SLC25A21: variants seen among roughly 807,000 people sequenced by gnomAD.
SLC25A21 encodes solute carrier family 25 member 21.
Under a neutral mutation model 43.8 loss-of-function variants are expected in SLC25A21, and 47 were observed. The ratio of observed to expected loss-of-function variants is 1.07; its 90% CI spans 0.85 to 1.37. SLC25A21 has a LOEUF of 1.37. SLC25A21 is among the 40% of genes most tolerant of loss of function. The pLI is 0.00. For synonymous variants in SLC25A21, 131 were observed against 121.3 expected, an observed-to-expected ratio of 1.08 and a Z score of -0.52; for missense variants, 352 against 350.2, an observed-to-expected ratio of 1.00 and a Z score of -0.04.
At chr14:36,985,364 TA>T (rs1256408702) in intron 1 of SLC25A21, among the ~76,000 whole-genome samples, 3 of 151,458 alleles carry the variant, frequency 2.0e-5, no homozygotes, top group Non-Finnish European at 2.9e-5. Context: ...AAGTATAATT[TA>T]AAAAAAATGT....
At chr14:36,748,683 G>A (rs1055711833) in intron 3 of SLC25A21, among the ~76,000 whole-genome samples, 1 of 152,188 alleles carries the variant, frequency 6.6e-6, no homozygotes, top group African/African-American at 2.4e-5. Flanking sequence ...GGCTTAGTTT[G>A]TGGACTTTGT....
intron 2 of SLC25A21, among the ~76,000 whole-genome samples, chr14:36,865,795 AATAG>A (rs1890197071): frequency 6.6e-6 from 1 of 152,184 alleles, no homozygotes; most frequent in Non-Finnish European, 1.5e-5. Flanking sequence ...GGGAGCCACC[AATAG>A]AGAGTGTAAA....
At chr14:36,843,839 T>C (rs1167518301) in intron 2 of SLC25A21, among the ~76,000 whole-genome samples, 1 of 152,230 alleles carries the variant, frequency 6.6e-6, no homozygotes, top group Non-Finnish European at 1.5e-5. Flanking sequence ...TGTAGTTTGT[T>C]TTTTGCATCC....
chr14:37,123,633 CAG>C lies in SLC25A21; in HGVS notation c.70+48646_70+48647del, dbSNP rs756852336. 2.6e-5 allele frequency among the ~76,000 whole-genome samples: 4 copies of C among 152,128 alleles called. 1 individual carries two copies. The highest frequency in any genetic ancestry group is 9.6e-5 in the African/African-American group (4 of 41,500). On this transcript the variant is annotated intron_variant, in intron 1 of 9. Coordinates refer to ENST00000331299, the MANE Select transcript of SLC25A21 (RefSeq NM_030631.4). ...TATTTATGCTCAAAATATAAAATGA[CAG>C]AAATATTCTTAGAATATAATATAAA...
intron 7 of SLC25A21, among the ~76,000 whole-genome samples, chr14:36,697,269 G>T (rs1883069693): frequency 6.6e-6 from 1 of 152,200 alleles, no homozygotes; most frequent in South Asian, 2.1e-4. Context: ...ACTGTGGTCT[G>T]AGAGACAGTT....
In SLC25A21 at chr14:36,734,525, G is replaced by A. The variant is rs1256599604; in HGVS notation, c.252C>T (p.Thr84=). 2 of 1,607,664 alleles carry A rather than the reference G, an allele frequency of 1.2e-6. No individual in the cohort carries two copies. The highest frequency in any genetic ancestry group is 1.7e-6 in the Non-Finnish European group (2 of 1,176,712). The stretch of plus-strand genomic sequence containing the variant: ...TGCTTACCTTCACTGCTCTTTTTGG[G>A]GTTTCAGCCAAGATAGGTGGCAGAA... ...KGILPPILAE[T]PKRAVKFFTF... Residue 84 remains threonine, a synonymous_variant, in exon 4 of 10, where the codon ACC becomes ACT. Coordinates refer to ENST00000331299, the MANE Select transcript of SLC25A21 (RefSeq NM_030631.4).
chr14:36,841,128 T>C (rs1594632542), intron 2 of SLC25A21, among the ~76,000 whole-genome samples: 1 of 152,244 alleles, frequency 6.6e-6, no homozygotes, highest in South Asian at 2.1e-4. Flanking sequence ...AGTATCAACA[T>C]GCCCTTAGTT....
At chr14:37,093,270 A>T (rs1962623608) in intron 1 of SLC25A21, among the ~76,000 whole-genome samples, 1 of 152,228 alleles carries the variant, frequency 6.6e-6, no homozygotes, top group Non-Finnish European at 1.5e-5. Context: ...AAATAAAATT[A>T]CAAATATAAC....
Position 36,859,497 on chromosome 14 carries a change from TC to T in SLC25A21, c.119+15458del, listed in dbSNP as rs534850925. Among the ~76,000 whole-genome samples the T allele has an allele frequency of 1.9e-4, 29 of 152,268 alleles. No homozygotes were observed. The East Asian group carries it at 5.2e-3, about 27-fold the overall frequency. ...AGGAGGGTGAGTCTTCTCTTCCTAG[TC>T]TAGGGCGGAGGGTCATTCATGCACT... On this transcript the variant is annotated intron_variant, in intron 2 of 9. Coordinates refer to ENST00000331299, the MANE Select transcript of SLC25A21 (RefSeq NM_030631.4).
intron 1 of SLC25A21, among the ~76,000 whole-genome samples, chr14:37,068,857 T>TA (rs889062919): frequency 2.0e-5 from 3 of 152,082 alleles, no homozygotes; most frequent in Admixed American, 6.5e-5. Context: ...CATTATAAGC[T>TA]AAAAAAAGCA....
chr14:36,766,340 C>T (rs1204935991), intron 3 of SLC25A21, among the ~76,000 whole-genome samples: 1 of 152,268 alleles, frequency 6.6e-6, no homozygotes, highest in South Asian at 2.1e-4. Context: ...TTTGCAATGA[C>T]AAATGTATTT....
At chr14:37,133,615 T>C (rs948484024) in intron 1 of SLC25A21, among the ~76,000 whole-genome samples, 8 of 151,748 alleles carry the variant, frequency 5.3e-5, no homozygotes, top group African/African-American at 1.9e-4. Context: ...TGTAAACAAA[T>C]ACCTCATACA....
At chr14:36,716,532 A>G (rs1884142861) in intron 6 of SLC25A21, among the ~76,000 whole-genome samples, 1 of 152,204 alleles carries the variant, frequency 6.6e-6, no homozygotes, top group South Asian at 2.1e-4. Context: ...AATATATCTA[A>G]TAAAATATAT....
At chr14:36,864,624 G>A (rs1890161079) in intron 2 of SLC25A21, among the ~76,000 whole-genome samples, 1 of 152,162 alleles carries the variant, frequency 6.6e-6, no homozygotes, top group Non-Finnish European at 1.5e-5. Context: ...CAATATATTT[G>A]GGGATCCTGT....
intron 1 of SLC25A21, among the ~76,000 whole-genome samples, chr14:36,928,579 G>A (rs1394799043): frequency 1.3e-5 from 2 of 152,016 alleles, no homozygotes; most frequent in Non-Finnish European, 2.9e-5. Flanking sequence ...CTTAGGTCTG[G>A]GTTACAATGA....
chr14:37,083,708 G>C (rs1419187383), intron 1 of SLC25A21, among the ~76,000 whole-genome samples: 2 of 152,210 alleles, frequency 1.3e-5, no homozygotes, highest in African/African-American at 2.4e-5. Flanking sequence ...GCACCTGGGA[G>C]CTTGCTAGAA....
intron 3 of SLC25A21, among the ~76,000 whole-genome samples, chr14:36,756,320 A>T (rs1226651314): frequency 6.6e-6 from 1 of 152,200 alleles, no homozygotes. Flanking sequence ...ATGTGTGGCC[A>T]CCAGGGGATT....
At chr14:36,714,944 G>A (rs1237738684) in intron 6 of SLC25A21, among the ~76,000 whole-genome samples, 1 of 152,184 alleles carries the variant, frequency 6.6e-6, no homozygotes, top group African/African-American at 2.4e-5. Flanking sequence ...CAGCAACCTT[G>A]TAATGTGGGC....
At chr14:36,984,073 C>T (rs1043974246) in intron 1 of SLC25A21, among the ~76,000 whole-genome samples, 1 of 152,082 alleles carries the variant, frequency 6.6e-6, no homozygotes, top group African/African-American at 2.4e-5. Flanking sequence ...AAGCCCAAAG[C>T]TCACCATTAT....
Sources: allele counts gnomAD v4.1 joint callset (sites outside exome capture counted in the v4.1 genomes callset), GRCh38; gene constraint gnomAD v4.1.1; transcripts MANE v1.5; gene names NCBI Gene and HGNC (gene_info 2026-07-23, HGNC 2026-07-21).